TMEM132D: variants seen among roughly 807,000 people sequenced by gnomAD.
TMEM132D encodes mature OL transmembrane protein.
A neutral mutation model predicts 62.3 loss-of-function variants in TMEM132D; 21 were observed. The observed-to-expected ratio is 0.34, with a 90% CI of 0.24 to 0.49. The LOEUF (loss-of-function observed/expected upper bound fraction) is 0.49. TMEM132D is among the 20% of genes least tolerant of loss of function. The pLI is 0.99. For synonymous variants in TMEM132D, 621 were observed against 575.6 expected, an observed-to-expected ratio of 1.08 and a Z score of -1.13; for missense variants, 1,346 against 1,402.8, an observed-to-expected ratio of 0.96 and a Z score of 0.65.
At chr12:129,482,335 G>A (rs533669920) in intron 3 of TMEM132D, among the ~76,000 whole-genome samples, 3 of 152,350 alleles carry the variant, frequency 2.0e-5, no homozygotes, top group Non-Finnish European at 4.4e-5. Context: ...GAGAATTACA[G>A]TGATAGAAAT....
intron 3 of TMEM132D, among the ~76,000 whole-genome samples, chr12:129,476,201 CA>C (rs1329141424): frequency 1.3e-5 from 2 of 152,214 alleles, no homozygotes; most frequent in Non-Finnish European, 2.9e-5. Flanking sequence ...AAAATACCCC[CA>C]GGCATGTGTG....
At chr12:129,405,170 G>C (rs1024526979) in intron 3 of TMEM132D, among the ~76,000 whole-genome samples, 9 of 152,156 alleles carry the variant, frequency 5.9e-5, no homozygotes, top group African/African-American at 2.2e-4. Context: ...ACCTCTGAAG[G>C]CTAGAAGCCT....
chr12:129,365,419 A>G (rs73422298), intron 3 of TMEM132D, among the ~76,000 whole-genome samples: 3,046 of 152,234 alleles, frequency 0.02, 112 homozygotes, highest in African/African-American at 0.07. Context: ...GTCTTAAGAG[A>G]CTTGACTAGT....
At chr12:129,134,212 G>A (rs768787807) in intron 5 of TMEM132D, among the ~76,000 whole-genome samples, 17 of 151,652 alleles carry the variant, frequency 1.1e-4, no homozygotes, top group East Asian at 1.9e-4. Context: ...GTGTGTGTGC[G>A]TGTAAACTAG....
chr12:129,254,605 G>A (rs1446771036), intron 4 of TMEM132D, among the ~76,000 whole-genome samples: 5 of 152,110 alleles, frequency 3.3e-5, no homozygotes, highest in East Asian at 1.9e-4. Flanking sequence ...GCTTAACGCC[G>A]TGCTTTGGGA....
At chr12:129,398,377 C>G (rs1871495519) in intron 3 of TMEM132D, among the ~76,000 whole-genome samples, 1 of 152,200 alleles carries the variant, frequency 6.6e-6, no homozygotes, top group Admixed American at 6.5e-5. Context: ...TTGATTGTGT[C>G]TAAAACTGTA....
intron 1 of TMEM132D, among the ~76,000 whole-genome samples, chr12:129,774,690 G>A (rs1456690416): frequency 6.6e-6 from 1 of 152,220 alleles, no homozygotes; most frequent in Non-Finnish European, 1.5e-5. Flanking sequence ...AAAGCAGAAA[G>A]CTCCTGTACA....
intron 4 of TMEM132D, among the ~76,000 whole-genome samples, chr12:129,287,965 A>G (rs553873042): frequency 6.6e-6 from 1 of 152,314 alleles, no homozygotes; most frequent in East Asian, 1.9e-4. Context: ...AATATATTTC[A>G]AAATCGGGAA....
intron 5 of TMEM132D, among the ~76,000 whole-genome samples, chr12:129,108,745 G>A (rs148588977): frequency 2.0e-5 from 3 of 152,260 alleles, no homozygotes; most frequent in African/African-American, 7.2e-5. Context: ...CCCACACATC[G>A]TCTTGAGTTC....
At chr12:129,102,428 C>T (rs941837895) in intron 5 of TMEM132D, among the ~76,000 whole-genome samples, 30 of 151,318 alleles carry the variant, frequency 2.0e-4, no homozygotes, top group African/African-American at 6.5e-4. Context: ...CACTCGCACA[C>T]TGGCATATGC....
intron 3 of TMEM132D, among the ~76,000 whole-genome samples, chr12:129,366,836 C>T (rs1870430181): frequency 6.6e-6 from 1 of 152,158 alleles, no homozygotes; most frequent in Admixed American, 6.5e-5. Context: ...CGGGGAACCA[C>T]ACACACAGAG....
rs1874147432 is a variant in TMEM132D, at chr12:129,073,671, G to A, written c.*204C>T. 3 of 461,300 alleles carry A rather than the reference G, an allele frequency of 6.5e-6. No homozygotes were observed. The highest frequency in any genetic ancestry group is 4.0e-5 in the African/African-American group (2 of 50,494). The allele number at this position is 461,300 out of a possible 1,614,324, so 28.6% of individuals were successfully genotyped here. On this transcript the variant is annotated 3_prime_UTR_variant, in exon 9 of 9. Transcript: ENST00000422113. ...TTGCCATGCATGATAAACCTCTTAA[G>A]CAAGACACTGTACTCTGGAATGTGT... is the stretch of plus-strand genomic sequence containing the variant.
chr12:129,461,561 G>T (rs1873672202), intron 3 of TMEM132D, among the ~76,000 whole-genome samples: 1 of 152,108 alleles, frequency 6.6e-6, no homozygotes, highest in Non-Finnish European at 1.5e-5. Flanking sequence ...TCTCATCATT[G>T]TTTTGACTTA....
At chr12:129,270,321 A>G (rs1241866386) in intron 4 of TMEM132D, among the ~76,000 whole-genome samples, 1 of 152,144 alleles carries the variant, frequency 6.6e-6, no homozygotes, top group African/African-American at 2.4e-5. Flanking sequence ...TACCATAGAA[A>G]CCCTGTAGAA....
intron 2 of TMEM132D, among the ~76,000 whole-genome samples, chr12:129,640,044 G>A (rs888918595): frequency 7.0e-5 from 6 of 86,330 alleles, no homozygotes; most frequent in African/African-American, 2.2e-4. Flanking sequence ...AAAACCACAC[G>A]TGTGCACACA....
At chr12:129,684,257 T>TG (rs1170874213) in intron 2 of TMEM132D, among the ~76,000 whole-genome samples, 2 of 152,176 alleles carry the variant, frequency 1.3e-5, no homozygotes, top group Non-Finnish European at 2.9e-5. Flanking sequence ...AATTGAATCG[T>TG]GGGGGTAGTT....
intron 1 of TMEM132D, among the ~76,000 whole-genome samples, chr12:129,886,473 C>T (rs933954110): frequency 6.6e-6 from 1 of 152,102 alleles, no homozygotes; most frequent in African/African-American, 2.4e-5. Context: ...AAAACAAATT[C>T]CCTTTAAAAC....
In TMEM132D at chr12:129,439,882, A is replaced by G. The variant is rs57578243; in HGVS notation, c.1115+91177T>C. 1.8e-3 allele frequency among the ~76,000 whole-genome samples: 274 copies of G among 152,294 alleles called. 2 individuals are homozygous for G. Among genetic ancestry groups the G allele is most frequent in the African/African-American group, 6.3e-3 (260 of 41,552 alleles). On this transcript the variant is annotated intron_variant, in intron 3 of 8. Transcript: ENST00000422113. The stretch of plus-strand genomic sequence containing the variant: ...TTGGATGTGTGCTTTGCTTTAATCC[A>G]TGACAGGTGAGCGAAAGTGACGTAT...
chr12:129,883,749 G>A (rs904000044), intron 1 of TMEM132D, among the ~76,000 whole-genome samples: 5 of 152,070 alleles, frequency 3.3e-5, no homozygotes, highest in South Asian at 2.1e-4. Flanking sequence ...TACCATATAC[G>A]GTCAGACAAC....
Sources: gnomAD v4.1 joint callset for allele counts (sites outside exome capture counted in the v4.1 genomes callset) on GRCh38, gnomAD v4.1.1 for gene constraint, MANE v1.5 for transcripts, NCBI Gene and HGNC (gene_info 2026-07-23, HGNC 2026-07-21) for gene names.